Variants in MYH14 observed in about 807,000 individuals in gnomAD.
The protein encoded by MYH14 is myosin-14.
A neutral mutation model predicts 255.5 loss-of-function variants in MYH14; 123 were observed. The ratio of observed to expected loss-of-function variants is 0.48; its 90% CI spans 0.42 to 0.56. The LOEUF (loss-of-function observed/expected upper bound fraction) is 0.56. Ranked by LOEUF, MYH14 falls within the 20% of genes least tolerant of loss-of-function variation. The pLI is 0.00. For missense variants in MYH14, 2,423 were observed against 2,802.3 expected (o/e 0.86, Z 3.06); for synonymous variants, 1,095 against 1,161.2 (o/e 0.94, Z 1.16).
chr19:50,218,010 A>G (rs1785156241), intron 3 of MYH14, among the ~76,000 whole-genome samples: 1 of 151,940 alleles, frequency 6.6e-6, no homozygotes, highest in South Asian at 2.1e-4. Context: ...TATTATTATT[A>G]GTTTGAGACG....
In MYH14 at chr19:50,217,743, C is replaced by T. The variant is rs727503221; in HGVS notation, c.534C>T (p.Thr178=). 6 of 1,613,696 alleles carry T rather than the reference C, an allele frequency of 3.7e-6. No individual in the cohort carries two copies. The highest frequency in any genetic ancestry group is 1.7e-5 in the Admixed American group (1 of 59,996). Residue 178 remains threonine, a synonymous_variant, in exon 3 of 43, where the codon ACC becomes ACT. Transcript: ENST00000642316. ...HEVPPHVYAV[T]EGAYRSMLQD... is the part of the protein sequence containing the mutation. ...TGCCACCCCACGTGTACGCAGTGACCGAGGGGGCCTATCGGAGCATGCTGC... is the reference window on the plus strand; with the variant it reads ...TGCCACCCCACGTGTACGCAGTGACTGAGGGGGCCTATCGGAGCATGCTGC...
chr19:50,289,862 G>A lies in MYH14; in HGVS notation c.4965+214G>A, dbSNP rs937043762. On this transcript the variant is annotated intron_variant, in intron 35 of 42. Coordinates refer to ENST00000642316, the MANE Select transcript of MYH14 (RefSeq NM_001145809.2). ...TGTCTCCCCACCTGCCTGCCACTCA[G>A]TATTTCTGCCAGTCTCTCGTGCCAG... is the stretch of plus-strand genomic sequence containing the variant. Among the ~76,000 whole-genome samples the A allele has an allele frequency of 1.5e-4, 23 of 151,838 alleles. 1 individual carries two copies. The highest frequency in any genetic ancestry group is 9.8e-4 in the Admixed American group (15 of 15,250).
At chr19:50,244,134 T>G in intron 10 of MYH14, 108 bp from the exon 11 acceptor site, 1 of 838,652 alleles carries the variant, frequency 1.2e-6, no homozygotes, top group East Asian at 2.7e-5. Flanking sequence ...AGCTGAGGGG[T>G]GGTGATATAA....
At chr19:50,302,133 A>AG in intron 40 of MYH14, among the ~76,000 whole-genome samples, 1 of 151,104 alleles carries the variant, frequency 6.6e-6, no homozygotes, top group East Asian at 1.9e-4. Flanking sequence ...AAAAAAAAAA[A>AG]AAAAGCCAGG....
At position 50,301,698 on chromosome 19, in the gene MYH14, G is replaced by A. The variant is rs2036485602; in HGVS notation, c.5507G>A (p.Ser1836Asn). The A allele has an allele frequency of 2.5e-6, 4 of 1,613,720 alleles. No individual in the cohort carries two copies. Among genetic ancestry groups the A allele is most frequent in the Admixed American group, 1.7e-5 (1 of 59,992 alleles). Residue 1836 changes from serine (S) to asparagine (N), a missense_variant, in exon 40 of 43, where the codon AGT becomes AAT. Transcript: ENST00000642316. ...ACCACAGAGCTGTCAGCTGAGCGCA[G>A]TTTCTCAGCCAAGGCAGAGAGCGGG... is the stretch of plus-strand genomic sequence containing the variant. ...SLTTELSAER[S>N]FSAKAESGRQ...
intron 34 of MYH14, among the ~76,000 whole-genome samples, chr19:50,288,593 G>A (rs536975716): frequency 1.8e-4 from 28 of 152,288 alleles, no homozygotes; most frequent in African/African-American, 6.0e-4. Context: ...CCCATTCCAC[G>A]GACCGAAAGT....
At chr19:50,233,052 G>T (rs1225340501) in intron 10 of MYH14, among the ~76,000 whole-genome samples, 2 of 152,148 alleles carry the variant, frequency 1.3e-5, no homozygotes, top group Non-Finnish European at 2.9e-5. Flanking sequence ...TGAGGCTCTA[G>T]GGAAGGCTCA....
Position 50,276,810 on chromosome 19 carries a change from C to A in MYH14, c.3734C>A (p.Thr1245Asn), listed in dbSNP as rs553239370. Residue 1245 changes from threonine to asparagine, a missense_variant, in exon 29 of 43, where the codon ACT becomes AAT. Physicochemically the swap from Thr to Asn is moderately conservative, Grantham distance 65. Coordinates refer to ENST00000642316, the MANE Select transcript of MYH14 (RefSeq NM_001145809.2). The surrounding 1 kb of genome is among the most constrained non-coding windows in gnomAD (Gnocchi z 4.3). ...CTGAAGAAGACTCTGGAGGAGGAGA[C>A]TCGCATCCACGAGGCGGCAGTGCAG... ...TELKKTLEEETRIHEAAVQEL... is the reference protein window; with the variant it reads ...TELKKTLEEENRIHEAAVQEL... 3.7e-6 allele frequency: 6 copies of A among 1,613,250 alleles called. No individual in the cohort carries two copies. The African/African-American group carries it at 8.0e-5, about 22-fold the overall frequency.
At chr19:50,204,900 C>CTT (rs78642872) in intron 1 of MYH14, among the ~76,000 whole-genome samples, 39 of 144,878 alleles carry the variant, frequency 2.7e-4, no homozygotes, top group East Asian at 6.1e-4. Flanking sequence ...GTCTCTCCCT[C>CTT]TTTTTTTTTT....
intron 21 of MYH14, among the ~76,000 whole-genome samples, chr19:50,262,677 G>A (rs949935633): frequency 6.6e-6 from 1 of 152,032 alleles, no homozygotes; most frequent in Admixed American, 6.6e-5. Context: ...TCTGGGTGTA[G>A]AAAGACTCTC....
intron 40 of MYH14, 35 bp downstream of exon 40, chr19:50,301,904 C>T: frequency 6.5e-7 from 1 of 1,532,868 alleles, no homozygotes; most frequent in Non-Finnish European, 8.9e-7. Context: ...AGAAAGGTGA[C>T]CTCCACATTC....
chr19:50,212,697 G>A (rs764065272), intron 2 of MYH14, among the ~76,000 whole-genome samples: 24 of 152,160 alleles, frequency 1.6e-4, no homozygotes, highest in Non-Finnish European at 3.2e-4. Flanking sequence ...CTTGGAGATC[G>A]AGGCTCTGAG....
At chr19:50,265,077 TC>T (rs1285858639) in intron 22 of MYH14, among the ~76,000 whole-genome samples, 1 of 152,150 alleles carries the variant, frequency 6.6e-6, no homozygotes, top group Non-Finnish European at 1.5e-5. Context: ...AGAGACAAGG[TC>T]CTGCCACCAT....
chr19:50,246,901 T>C, intron 11 of MYH14, 103 bp from the exon 12 acceptor site: 1 of 763,946 alleles, frequency 1.3e-6, no homozygotes, highest in Non-Finnish European at 2.2e-6. Context: ...GCGGGGCCCG[T>C]CTTCTGCTCC....
At chr19:50,279,938 C>T (rs1409030038) in intron 30 of MYH14, 99 bp from the exon 31 acceptor site, 1 of 885,742 alleles carries the variant, frequency 1.1e-6, no homozygotes, top group Non-Finnish European at 1.9e-6. Flanking sequence ...GCAGCTGTAA[C>T]ATTTCACATT....
At chr19:50,260,431 C>A (rs1029679151) in intron 19 of MYH14, among the ~76,000 whole-genome samples, 1 of 152,100 alleles carries the variant, frequency 6.6e-6, no homozygotes, top group Non-Finnish European at 1.5e-5. Context: ...TCTCAAAAAA[C>A]AAACAAAACA....
rs3929078 is a variant in MYH14, at chr19:50,266,307, T to A, written c.2695-570T>A. The stretch of plus-strand genomic sequence containing the variant: ...CCAGGCATGGTGGCTCATGCCTATA[T>A]CCCAACACTTTGGGAGGCTGAGGTG... On this transcript the variant is annotated intron_variant, in intron 22 of 42. Transcript: ENST00000642316. This position sits in a 1 kb window ranked among gnomAD's most constrained non-coding sequence, Gnocchi z 4.1. Among the ~76,000 whole-genome samples the A allele has an allele frequency of 0.2, 30,873 of 152,124 alleles. 3,558 individuals carry two copies. The highest frequency in any genetic ancestry group is 0.3 in the African/African-American group (12,553 of 41,472).
At chr19:50,242,475 A>T (rs980560925) in intron 10 of MYH14, among the ~76,000 whole-genome samples, 6 of 152,160 alleles carry the variant, frequency 3.9e-5, no homozygotes, top group Admixed American at 3.9e-4. Context: ...TCCACTTATA[A>T]AACCTCAGAT....
rs758770683 is a variant in MYH14 at position 50,225,624 on chromosome 19, C to A, written c.757C>A (p.Leu253Ile). 3.1e-6 allele frequency: 5 copies of A among 1,613,816 alleles called. No homozygotes were observed. In the Admixed American group the frequency reaches 5.0e-5, roughly 16 times the overall value. Residue 253 changes from leucine (L) to isoleucine (I), a missense_variant, in exon 7 of 43, where the codon CTA becomes ATA. Physicochemically the swap from Leu to Ile is conservative, Grantham distance 5. Coordinates refer to ENST00000642316, the MANE Select transcript of MYH14 (RefSeq NM_001145809.2). ...ERQLLQANPILEAFGNAKTVK... is the reference protein window; with the variant it reads ...ERQLLQANPIIEAFGNAKTVK... ...GCAGCTGCTTCAGGCCAACCCCATC[C>A]TAGAGGCCTTTGGCAATGCCAAGAC...
Sources: gnomAD v4.1 joint callset for allele counts (sites outside exome capture counted in the v4.1 genomes callset) on GRCh38, gnomAD v4.1.1 for gene constraint, Gnocchi (gnomAD v3.1) non-coding constraint, MANE v1.5 for transcripts, NCBI Gene and HGNC (gene_info 2026-07-23, HGNC 2026-07-21) for gene names.